Variants in MALRD1 observed in about 807,000 individuals in gnomAD.
The protein encoded by MALRD1 is MAM and LDL receptor class A domain containing 1, also known as MAM and LDL-receptor class A domain-containing protein 1.
MALRD1 carries 247 observed loss-of-function variants against 242.1 expected under a neutral mutation model. The ratio of observed to expected loss-of-function variants is 1.02; its 90% CI spans 0.92 to 1.13. The LOEUF is 1.13. Ranked by LOEUF, MALRD1 falls within the 50% of genes most tolerant of loss-of-function variation. The pLI is 0.00. For missense variants in MALRD1, 2,989 were observed against 2,533.1 expected (o/e 1.18, Z -3.86); for synonymous variants, 995 against 866.6 (o/e 1.15, Z -2.60).
At chr10:19,387,408 A>C (rs772623345) in intron 26 of MALRD1, 120 bp from the exon 27 acceptor site, 40 of 1,270,672 alleles carry the variant, frequency 3.1e-5, no homozygotes, top group Non-Finnish European at 4.1e-5. Flanking sequence ...AGGTACCTCA[A>C]ATTCCTAAGA....
intron 28 of MALRD1, among the ~76,000 whole-genome samples, chr10:19,417,428 A>G (rs1273837566): frequency 6.6e-6 from 1 of 152,126 alleles, no homozygotes; most frequent in Non-Finnish European, 1.5e-5. Context: ...TTGAAATAGC[A>G]TTTTGTATTT....
upstream of MALRD1, among the ~76,000 whole-genome samples, chr10:19,047,666 G>A (rs2131186127): frequency 6.6e-6 from 1 of 152,170 alleles, no homozygotes; most frequent in Admixed American, 6.5e-5. Flanking sequence ...GAAGCACAGT[G>A]CAACAAAATG....
At chr10:19,275,545 T>C (rs1412929986) in intron 19 of MALRD1, among the ~76,000 whole-genome samples, 2 of 152,138 alleles carry the variant, frequency 1.3e-5, no homozygotes, top group Admixed American at 6.5e-5. Context: ...GGCGGGCGCC[T>C]GTAGTCCCCA....
chr10:19,168,071 C>G (rs191512349), intron 13 of MALRD1, among the ~76,000 whole-genome samples: 1 of 152,306 alleles, frequency 6.6e-6, no homozygotes, highest in Non-Finnish European at 1.5e-5. Context: ...TTAGTGTTCT[C>G]TGTTTTAAAA....
rs1481712834 is a variant in MALRD1 at position 19,048,901 on chromosome 10, A to T, written c.-38A>T. Reference sequence around the variant, plus strand: ...AATGTTTCCAATGATGGACTTACTTATTACAACTGCTTGATCTCTAATAGA... The same window carrying T: ...AATGTTTCCAATGATGGACTTACTTTTTACAACTGCTTGATCTCTAATAGA... On this transcript the variant is annotated 5_prime_UTR_variant, in exon 1 of 40. Transcript: ENST00000454679. The T allele has an allele frequency of 1.6e-6, 2 of 1,217,620 alleles. No individual in the cohort carries two copies. The highest frequency in any genetic ancestry group is 2.1e-6 in the Non-Finnish European group (2 of 973,496). 75.4% of individuals were successfully genotyped at this position (1,217,620 alleles called of 1,614,324 possible). A position where few individuals can be genotyped will look rare whatever the true frequency, so the allele number is the denominator to read the frequency against.
intron 36 of MALRD1, among the ~76,000 whole-genome samples, chr10:19,652,322 A>G (rs1027389658): frequency 2.0e-5 from 3 of 152,204 alleles, no homozygotes; most frequent in African/African-American, 7.2e-5. Flanking sequence ...AAGCAATTAC[A>G]TGTTCTGAGA....
chr10:19,268,456 G>C (rs879842532), intron 19 of MALRD1, among the ~76,000 whole-genome samples: 7 of 151,978 alleles, frequency 4.6e-5, no homozygotes, highest in Non-Finnish European at 1.0e-4. Flanking sequence ...TAGAAGAAAT[G>C]GATGATATTC....
intron 10 of MALRD1, among the ~76,000 whole-genome samples, chr10:19,140,628 A>C (rs1017536833): frequency 6.6e-6 from 1 of 151,908 alleles, no homozygotes; most frequent in Non-Finnish European, 1.5e-5. Flanking sequence ...GAAGAAAAAA[A>C]CTTCCTATTT....
chr10:19,257,877 CT>C, intron 19 of MALRD1, 106 bp downstream of exon 19: 2 of 702,656 alleles, frequency 2.8e-6, no homozygotes, highest in Non-Finnish European at 4.4e-6. Context: ...TATGACCTTG[CT>C]TTTATTCTTT....
chr10:19,250,207 C>CT (rs1177598860), intron 18 of MALRD1, among the ~76,000 whole-genome samples: 1 of 151,914 alleles, frequency 6.6e-6, no homozygotes, highest in African/African-American at 2.4e-5. Context: ...CTGTTAAAAT[C>CT]TTATTATACC....
At chr10:19,443,582 A>G (rs11498302) in intron 28 of MALRD1, among the ~76,000 whole-genome samples, 34,449 of 152,128 alleles carry the variant, frequency 0.23, 4,208 homozygotes, top group Middle Eastern at 0.32. Flanking sequence ...TTATGTACTC[A>G]GTAGTCATTC....
At chr10:19,184,051 C>A (rs758521454) in intron 14 of MALRD1, among the ~76,000 whole-genome samples, 1 of 152,136 alleles carries the variant, frequency 6.6e-6, no homozygotes, top group Non-Finnish European at 1.5e-5. Context: ...TTCTCTGGAC[C>A]TTCAGAAACT....
intron 14 of MALRD1, among the ~76,000 whole-genome samples, chr10:19,180,666 AT>A (rs1200502005): frequency 1.3e-5 from 2 of 152,200 alleles, no homozygotes; most frequent in Admixed American, 1.3e-4. Context: ...GTTGGCAATG[AT>A]TTTTTAATAT....
intron 28 of MALRD1, among the ~76,000 whole-genome samples, chr10:19,427,084 G>A (rs186136323): frequency 3.0e-4 from 46 of 152,070 alleles, no homozygotes; most frequent in East Asian, 3.9e-4. Flanking sequence ...CAGTTTTATC[G>A]CTTAGTTTTA....
At chr10:19,101,381 T>C (rs1836245740) in intron 4 of MALRD1, among the ~76,000 whole-genome samples, 1 of 143,770 alleles carries the variant, frequency 7.0e-6, no homozygotes, top group Admixed American at 7.2e-5. Flanking sequence ...TATAACCAAC[T>C]TGGGTATGTA....
intron 36 of MALRD1, among the ~76,000 whole-genome samples, chr10:19,652,248 A>C (rs553458481): frequency 2.0e-5 from 3 of 152,170 alleles, no homozygotes; most frequent in African/African-American, 7.2e-5. Context: ...TTGTCCTCCC[A>C]CTTCATTTTT....
At chr10:19,061,216 G>A (rs904151291) in intron 1 of MALRD1, among the ~76,000 whole-genome samples, 1 of 152,100 alleles carries the variant, frequency 6.6e-6, no homozygotes, top group East Asian at 1.9e-4. Context: ...CAGCAAACCA[G>A]CACGAGACTA....
At chr10:19,691,042 TC>T (rs2131820403) in intron 36 of MALRD1, among the ~76,000 whole-genome samples, 1 of 152,144 alleles carries the variant, frequency 6.6e-6, no homozygotes, top group South Asian at 2.1e-4. Flanking sequence ...TGAAAATGTG[TC>T]CCCATCTCTA....
chr10:19,595,578 A>G, intron 34 of MALRD1, 121 bp downstream of exon 34: 1 of 1,174,914 alleles, frequency 8.5e-7, no homozygotes, highest in South Asian at 1.7e-5. Context: ...CATTAATAAC[A>G]CAGCTTTCAG....
Sources: allele counts gnomAD v4.1 joint callset (sites outside exome capture counted in the v4.1 genomes callset), GRCh38; gene constraint gnomAD v4.1.1; transcripts MANE v1.5; gene names NCBI Gene and HGNC (gene_info 2026-07-23, HGNC 2026-07-21).